ALS2: variants seen among roughly 807,000 people sequenced by gnomAD.
ALS2 encodes alsin Rho guanine nucleotide exchange factor ALS2.
A neutral mutation model predicts 203.4 loss-of-function variants in ALS2; 117 were observed. The observed-to-expected ratio is 0.58, with a 90% CI of 0.50 to 0.67. ALS2 has a LOEUF of 0.67. ALS2 is among the 30% of genes least tolerant of loss of function. ALS2 has a pLI of 0.00. For synonymous variants in ALS2, 718 were observed against 725.9 expected, an observed-to-expected ratio of 0.99 and a Z score of 0.17; for missense variants, 1,715 against 1,989.4, an observed-to-expected ratio of 0.86 and a Z score of 2.62.
chr2:201,777,543 C>T (rs1694714369), intron 1 of ALS2, among the ~76,000 whole-genome samples: 1 of 152,024 alleles, frequency 6.6e-6, no homozygotes, highest in African/African-American at 2.4e-5. Context: ...AAATAAATAA[C>T]AAATCTATGT....
At chr2:201,760,071 T>A in intron 4 of ALS2, 1 of 932,870 alleles carries the variant, frequency 1.1e-6, no homozygotes, top group Non-Finnish European at 1.3e-6. Flanking sequence ...GCCTGTAATC[T>A]CAACACTTTG....
chr2:201,714,916 T>C (rs1464959849), intron 25 of ALS2, among the ~76,000 whole-genome samples: 1 of 152,202 alleles, frequency 6.6e-6, no homozygotes, highest in Non-Finnish European at 1.5e-5. Flanking sequence ...TCCCCAGTAT[T>C]TTCTGGTTCG....
chr2:201,744,168 T>A, intron 10 of ALS2, 90 bp downstream of exon 10: 1 of 1,411,936 alleles, frequency 7.1e-7, no homozygotes, highest in Non-Finnish European at 1.0e-6. Context: ...AAGTAAACCA[T>A]AAACTAACAG....
chr2:201,717,982 C>T (rs1690519331), intron 24 of ALS2, 95 bp downstream of exon 24: 1 of 1,291,274 alleles, frequency 7.7e-7, no homozygotes, highest in Non-Finnish European at 1.1e-6. Flanking sequence ...ACTTTAAGAA[C>T]TTGACTTTGC....
Position 201,704,597 on chromosome 2 carries a change from T to C in ALS2, c.4695A>G (p.Thr1565=), listed in dbSNP as rs1328102799. 1.2e-6 allele frequency: 2 copies of C among 1,614,118 alleles called. No individual in the cohort carries two copies. Among genetic ancestry groups the C allele is most frequent in the East Asian group, 4.5e-5 (2 of 44,866 alleles). The change falls in exon 32 of 34, where the codon ACA becomes ACG. Residue 1565 remains threonine, a synonymous_variant. Transcript: ENST00000264276. The part of the protein sequence containing the change: ...AVECLQQIST[T]FTPSDKLKVI... Reference sequence around the variant, plus strand: ...CCTTAAGTTTGTCTGATGGGGTAAATGTTGTGCTGTTACAGAAACAATGAC... The same window carrying C: ...CCTTAAGTTTGTCTGATGGGGTAAACGTTGTGCTGTTACAGAAACAATGAC...
chr2:201,737,115 T>A (rs963473840), intron 12 of ALS2, among the ~76,000 whole-genome samples: 2 of 152,174 alleles, frequency 1.3e-5, no homozygotes, highest in Non-Finnish European at 2.9e-5. Flanking sequence ...AAATATTTCA[T>A]AAAAAAATTA....
chr2:201,726,575 G>A (rs376585632), intron 18 of ALS2, 26 bp from the exon 19 acceptor site: 129 of 1,609,714 alleles, frequency 8.0e-5, no homozygotes, highest in Non-Finnish European at 1.1e-4. Context: ...AAAGAATAAT[G>A]CATGTCAACT....
Position 201,727,208 on chromosome 2 carries a change from T to A in ALS2, c.2979+4A>T. 1 of 1,610,080 alleles carries A rather than the reference T, an allele frequency of 6.2e-7. No homozygotes were observed. The highest frequency in any genetic ancestry group is 1.1e-5 in the South Asian group (1 of 91,010). ...ATTGAAGGAAAATACCATAATAGAC[T>A]AACCTTTTCCTGGGGTGTAGATGAA... On this transcript the variant is annotated splice_donor_region_variant and intron_variant, in intron 17 of 33. Coordinates refer to ENST00000264276, the MANE Select transcript of ALS2 (RefSeq NM_020919.4).
In ALS2 at chr2:201,704,260, A is replaced by G. The variant is rs1689562265; in HGVS notation, c.4839-42T>C. ...AAGATGCTGAGTTATTTTCACTTAC[A>G]TGTCCATTCTCCTTTTGAATCTAGT... On this transcript the variant is annotated intron_variant, in intron 32 of 33. Coordinates refer to ENST00000264276, the MANE Select transcript of ALS2 (RefSeq NM_020919.4). 4 of 1,563,332 alleles carry G rather than the reference A, an allele frequency of 2.6e-6. No individual in the cohort carries two copies. The South Asian group carries it at 3.3e-5, about 13-fold the overall frequency.
At chr2:201,761,938 T>G in intron 3 of ALS2, 120 bp from the exon 4 acceptor site, 1 of 1,110,250 alleles carries the variant, frequency 9.0e-7, no homozygotes, top group Non-Finnish European at 1.3e-6. Flanking sequence ...TTTTAAATTT[T>G]CAAAAGCAGT....
intron 21 of ALS2, 40 bp from the exon 22 acceptor site, chr2:201,723,481 A>T (rs768894864): frequency 3.3e-6 from 5 of 1,527,508 alleles, no homozygotes; most frequent in Non-Finnish European, 4.5e-6. Context: ...CACTGAAGAT[A>T]AGGATAAAGT....
intron 23 of ALS2, 26 bp downstream of exon 23, chr2:201,723,016 GA>G (rs531531532): frequency 5.2e-5 from 78 of 1,498,446 alleles, no homozygotes; most frequent in African/African-American, 5.6e-5. Context: ...TTATTAGGGA[GA>G]AAAAAAAAGA....
At position 201,724,459 on chromosome 2, in the gene ALS2, G is replaced by A. The variant is rs546047302; in HGVS notation, c.3348C>T (p.Ser1116=). 1 of 1,613,842 alleles carries A rather than the reference G, an allele frequency of 6.2e-7. No individual in the cohort carries two copies. Among genetic ancestry groups the A allele is most frequent in the African/African-American group, 1.3e-5 (1 of 75,038 alleles). The change falls in exon 21 of 34, where the codon AGC becomes AGT. Residue 1116 remains serine (S), a splice_region_variant and synonymous_variant. Coordinates refer to ENST00000264276, the MANE Select transcript of ALS2 (RefSeq NM_020919.4). The part of the protein sequence containing the change: ...EGKMCGQGVY[S]YASGEVFEGC... ...CCTCAAATACTTCACCAGAAGCATA[G>A]CTGTGGTTGGAAAGAATGGATAATT...
intron 11 of ALS2, 124 bp downstream of exon 11, chr2:201,741,550 C>T (rs1236691800): frequency 9.5e-7 from 1 of 1,057,772 alleles, no homozygotes; most frequent in African/African-American, 1.6e-5. Flanking sequence ...GATTAAAATA[C>T]TGCTTTGCAA....
intron 20 of ALS2, 110 bp from the exon 21 acceptor site, chr2:201,724,569 T>TCA: frequency 9.0e-7 from 1 of 1,108,680 alleles, no homozygotes; most frequent in Non-Finnish European, 1.4e-6. Context: ...GTAGCTATAA[T>TCA]TATTTGTTTA....
chr2:201,778,960 A>G (rs924766918), intron 1 of ALS2, among the ~76,000 whole-genome samples: 4 of 152,100 alleles, frequency 2.6e-5, no homozygotes, highest in African/African-American at 9.7e-5. Flanking sequence ...ATAATTGTAG[A>G]TTTTTACAAG....
chr2:201,731,649 C>T (rs375348457), intron 13 of ALS2, among the ~76,000 whole-genome samples: 2 of 152,098 alleles, frequency 1.3e-5, no homozygotes, highest in Admixed American at 1.3e-4. Context: ...ACATATATGA[C>T]GTCAAGGCTG....
chr2:201,771,991 G>A (rs1003533111), intron 1 of ALS2, among the ~76,000 whole-genome samples: 7 of 152,162 alleles, frequency 4.6e-5, no homozygotes, highest in African/African-American at 1.7e-4. Flanking sequence ...TGGCATCTCC[G>A]TAAAATGAGC....
chr2:201,745,220 T>A (rs1326006425), intron 9 of ALS2, among the ~76,000 whole-genome samples: 1 of 152,248 alleles, frequency 6.6e-6, no homozygotes, highest in Non-Finnish European at 1.5e-5. Flanking sequence ...TCTTTAAATT[T>A]GTTTTGTTTT....
Sources: gnomAD v4.1 joint callset for allele counts (sites outside exome capture counted in the v4.1 genomes callset) on GRCh38, gnomAD v4.1.1 for gene constraint, MANE v1.5 for transcripts, NCBI Gene and HGNC (gene_info 2026-07-23, HGNC 2026-07-21) for gene names.